Variants in RBFOX3 observed in about 807,000 individuals in gnomAD.
RBFOX3 encodes RNA binding fox-1 homolog 3.
Under a neutral mutation model 48.7 loss-of-function variants are expected in RBFOX3, and 17 were observed. The ratio of observed to expected loss-of-function variants is 0.35; its 90% CI spans 0.24 to 0.52. The LOEUF (loss-of-function observed/expected upper bound fraction) is 0.52. Among genes scored for constraint, RBFOX3 ranks in the 20% least tolerant of loss-of-function variants. RBFOX3 has a pLI of 0.94. For missense variants in RBFOX3, 382 were observed against 497.5 expected, an observed-to-expected ratio of 0.77 and a Z score of 2.21; for synonymous variants, 212 against 209.5, an observed-to-expected ratio of 1.01 and a Z score of -0.10.
At chr17:79,463,709 A>T (rs2075895096) in intron 2 of RBFOX3, among the ~76,000 whole-genome samples, 1 of 141,744 alleles carries the variant, frequency 7.1e-6, no homozygotes, top group Admixed American at 7.0e-5. Flanking sequence ...CACCACTGCC[A>T]CCTCCACCGC....
chr17:79,202,736 G>A (rs745318095), intron 4 of RBFOX3, among the ~76,000 whole-genome samples: 74 of 152,316 alleles, frequency 4.9e-4, no homozygotes, highest in Non-Finnish European at 9.0e-4. Context: ...GCCCTAACAC[G>A]CTGCACAGCA....
At chr17:79,555,785 CA>C (rs2091698086) in intron 1 of RBFOX3, among the ~76,000 whole-genome samples, 1 of 4,168 alleles carries the variant, frequency 2.4e-4, no homozygotes, top group Non-Finnish European at 7.0e-4. Context: ...GTGATAATGG[CA>C]GTGATGGTGA....
At chr17:79,123,236 G>C (rs2036241101) in intron 4 of RBFOX3, among the ~76,000 whole-genome samples, 1 of 152,160 alleles carries the variant, frequency 6.6e-6, no homozygotes, top group African/African-American at 2.4e-5. Context: ...TAACAGAAAG[G>C]ATAAATGCTT....
intron 1 of RBFOX3, among the ~76,000 whole-genome samples, chr17:79,509,323 G>C (rs782659360): frequency 6.6e-6 from 1 of 151,896 alleles, no homozygotes; most frequent in South Asian, 2.1e-4. Flanking sequence ...CTACACAAAC[G>C]GACAAGAAGA....
chr17:79,231,924 AAG>A (rs2147791012), intron 4 of RBFOX3, among the ~76,000 whole-genome samples: 1 of 152,348 alleles, frequency 6.6e-6, no homozygotes, highest in Non-Finnish European at 1.5e-5. Flanking sequence ...TTATAAAGGA[AAG>A]AGGTTTAGTT....
intron 1 of RBFOX3, among the ~76,000 whole-genome samples, chr17:79,492,407 C>A (rs1389040723): frequency 5.3e-5 from 8 of 152,194 alleles, no homozygotes; most frequent in African/African-American, 1.4e-4. Context: ...TAAAAGAGCT[C>A]CATCTTTCTC....
chr17:79,537,121 A>AC (rs71161675), intron 1 of RBFOX3, among the ~76,000 whole-genome samples: 29,722 of 151,220 alleles, frequency 0.2, 3,262 homozygotes, highest in East Asian at 0.49. Flanking sequence ...AAAAAACAAA[A>AC]AAAAAAAAAA....
rs1568112280 is a variant in RBFOX3 at position 79,094,406 on chromosome 17, C to CTGTT, written c.1077+41_1077+44dup. ...CAAGGGCCTCACCACCCATGCCCAG[C>CTGTT]TGTTAGGACTGGCACCCAGGGCTGG... On this transcript the variant is annotated intron_variant, in intron 14 of 14. Transcript: ENST00000693108. The CTGTT allele has an allele frequency of 5.0e-6, 7 of 1,406,368 alleles. No individual in the cohort carries two copies. The Admixed American group carries it at 1.7e-4, about 34-fold the overall frequency. 87.1% of individuals were successfully genotyped at this position (1,406,368 alleles called of 1,614,324 possible).
chr17:79,637,059 A>C, the RBFOX3 span, among the ~76,000 whole-genome samples: 1 of 152,216 alleles, frequency 6.6e-6, no homozygotes, highest in Non-Finnish European at 1.5e-5. Flanking sequence ...TAAGAGAAAA[A>C]GGTTACTATA....
intron 8 of RBFOX3, among the ~76,000 whole-genome samples, 165 bp downstream of exon 8, chr17:79,102,997 G>A (rs949025735): frequency 3.3e-5 from 5 of 151,854 alleles, no homozygotes; most frequent in East Asian, 3.9e-4. Context: ...GGGCTCAGCC[G>A]GCAGCTGAGC....
Position 79,405,874 on chromosome 17 carries a change from C to T in RBFOX3, c.-175+76580G>A, listed in dbSNP as rs375022836. ...TCCCACCTCCAGCCCCCAGGGCAAC[C>T]ACTGTCTTCACTGTTTTCCACCACC... On this transcript the variant is annotated intron_variant, in intron 2 of 14. Transcript: ENST00000693108. Among the ~76,000 whole-genome samples the T allele has an allele frequency of 2.0e-5, 3 of 152,236 alleles. No homozygotes were observed. The East Asian group carries it at 5.8e-4, about 29-fold the overall frequency.
intron 2 of RBFOX3, among the ~76,000 whole-genome samples, chr17:79,434,188 C>A (rs782522375): frequency 5.9e-5 from 9 of 152,192 alleles, no homozygotes; most frequent in Non-Finnish European, 1.2e-4. Context: ...CCTTGTTTGA[C>A]CTCAGCTGGG....
intron 4 of RBFOX3, among the ~76,000 whole-genome samples, chr17:79,159,937 G>A (rs1330165248): frequency 1.3e-5 from 2 of 152,318 alleles, no homozygotes; most frequent in Admixed American, 6.5e-5. Context: ...CCAGCGTCCC[G>A]GGACAGTTCT....
intron 2 of RBFOX3, among the ~76,000 whole-genome samples, chr17:79,388,649 CA>C (rs2060913978): frequency 6.6e-6 from 1 of 152,212 alleles, no homozygotes; most frequent in Non-Finnish European, 1.5e-5. Context: ...TTCCCACCTG[CA>C]GCAGCACTAC....
chr17:79,552,751 CTTG>C (rs2091275317), intron 1 of RBFOX3, among the ~76,000 whole-genome samples: 1 of 152,094 alleles, frequency 6.6e-6, no homozygotes, highest in African/African-American at 2.4e-5. Flanking sequence ...TTGCACATTT[CTTG>C]TTAAGTTTAT....
At chr17:79,396,639 G>C (rs893093843) in intron 2 of RBFOX3, among the ~76,000 whole-genome samples, 1 of 152,134 alleles carries the variant, frequency 6.6e-6, no homozygotes, top group African/African-American at 2.4e-5. Flanking sequence ...ATTATCCAGA[G>C]AAAAAAGGGA....
chr17:79,230,160 C>T lies in RBFOX3; in HGVS notation c.-34+5606G>A, dbSNP rs556612931. 1.8e-4 allele frequency among the ~76,000 whole-genome samples: 28 copies of T among 152,218 alleles called. 1 individual carries two copies. The highest frequency in any genetic ancestry group is 8.8e-5 in the Non-Finnish European group (6 of 68,040). On this transcript the variant is annotated intron_variant, in intron 4 of 14. Coordinates refer to ENST00000693108, the MANE Select transcript of RBFOX3 (RefSeq NM_001350451.2). The stretch of plus-strand genomic sequence containing the variant: ...ATGATGAGGCTGGTTGGGTTGCCGT[C>T]GGCCTCTAGGTTCCCTTCTCCCCAG...
intron 4 of RBFOX3, among the ~76,000 whole-genome samples, chr17:79,117,749 G>A (rs1210715030): frequency 6.6e-6 from 1 of 152,208 alleles, no homozygotes; most frequent in Admixed American, 6.5e-5. Context: ...GGGGTACCTG[G>A]GGTGTGCCAG....
chr17:79,551,191 G>A (rs1014616432), intron 1 of RBFOX3, among the ~76,000 whole-genome samples: 3 of 152,218 alleles, frequency 2.0e-5, no homozygotes, highest in Non-Finnish European at 1.5e-5. Flanking sequence ...CCAGTTAGAA[G>A]AGATGACTCT....
Sources: gnomAD v4.1 joint callset for allele counts (sites outside exome capture counted in the v4.1 genomes callset) on GRCh38, gnomAD v4.1.1 for gene constraint, MANE v1.5 for transcripts, NCBI Gene and HGNC (gene_info 2026-07-23, HGNC 2026-07-21) for gene names.